DPF3: variants seen among roughly 807,000 people sequenced by gnomAD.
DPF3 encodes the protein double PHD fingers 3.
In DPF3, 18 loss-of-function variants were observed where a neutral mutation model predicts 56.8. The observed-to-expected ratio is 0.32, with a 90% CI of 0.22 to 0.47. The LOEUF is 0.47. Among genes scored for constraint, DPF3 ranks in the 20% least tolerant of loss-of-function variants. The pLI, the probability that DPF3 is intolerant of heterozygous loss-of-function variation, is 1.00. For missense variants in DPF3, 403 were observed against 488.8 expected, an observed-to-expected ratio of 0.82 and a Z score of 1.65; for synonymous variants, 188 against 180.2, an observed-to-expected ratio of 1.04 and a Z score of -0.35.
intron 4 of DPF3, among the ~76,000 whole-genome samples, chr14:72,724,263 C>A (rs1254143689): frequency 6.8e-6 from 1 of 148,110 alleles, no homozygotes; most frequent in East Asian, 2.0e-4. Flanking sequence ...AATAGACTTT[C>A]ATTTAGTACC....
chr14:72,745,731 T>C (rs1247503296), intron 3 of DPF3, among the ~76,000 whole-genome samples: 2 of 152,150 alleles, frequency 1.3e-5, no homozygotes, highest in Non-Finnish European at 2.9e-5. Context: ...TCCTAGGAAT[T>C]TGCAGCAAAT....
chr14:72,624,585 C>T (rs546942421), intron 9 of DPF3, among the ~76,000 whole-genome samples: 1 of 152,174 alleles, frequency 6.6e-6, no homozygotes, highest in African/African-American at 2.4e-5. Flanking sequence ...GTAATCCGCC[C>T]GCCTCAGCCT....
At chr14:72,769,463 T>C (rs186066585) in intron 2 of DPF3, among the ~76,000 whole-genome samples, 3 of 152,210 alleles carry the variant, frequency 2.0e-5, no homozygotes, top group African/African-American at 7.2e-5. Context: ...AGGCGGATCA[T>C]GAGGTCAAGA....
At chr14:72,816,129 C>G (rs1295024126) in intron 1 of DPF3, among the ~76,000 whole-genome samples, 1 of 152,186 alleles carries the variant, frequency 6.6e-6, no homozygotes, top group African/African-American at 2.4e-5. Flanking sequence ...TCAGACTTCC[C>G]TGCCTTGACC....
At chr14:72,628,886 TGGAG>T (rs1885001392) in intron 9 of DPF3, among the ~76,000 whole-genome samples, 1 of 152,314 alleles carries the variant, frequency 6.6e-6, no homozygotes, top group South Asian at 2.1e-4. Context: ...GAGAATAAGA[TGGAG>T]GGAAAAGTCT....
intron 8 of DPF3, among the ~76,000 whole-genome samples, chr14:72,650,570 G>C (rs991762262): frequency 6.6e-6 from 1 of 152,190 alleles, no homozygotes; most frequent in Non-Finnish European, 1.5e-5. Flanking sequence ...GGATAGGGCA[G>C]CACCTGTGGC....
intron 5 of DPF3, among the ~76,000 whole-genome samples, chr14:72,717,211 T>C (rs1888969512): frequency 6.6e-6 from 1 of 152,228 alleles, no homozygotes; most frequent in Non-Finnish European, 1.5e-5. Context: ...AATCTTCCTC[T>C]TGCCACACTA....
chr14:72,677,511 G>A (rs1886964506), intron 7 of DPF3, among the ~76,000 whole-genome samples: 1 of 152,148 alleles, frequency 6.6e-6, no homozygotes, highest in South Asian at 2.1e-4. Context: ...TTGAGTCTGT[G>A]TGCCTCCTCT....
intron 1 of DPF3, among the ~76,000 whole-genome samples, chr14:72,807,350 C>T (rs1442892113): frequency 6.6e-6 from 1 of 152,122 alleles, no homozygotes; most frequent in Non-Finnish European, 1.5e-5. Context: ...GGAAATGTGC[C>T]TAGCACTGTT....
intron 1 of DPF3, among the ~76,000 whole-genome samples, chr14:72,814,125 G>A (rs539446248): frequency 1.9e-4 from 29 of 152,154 alleles, no homozygotes; most frequent in East Asian, 9.7e-4. Flanking sequence ...TGCAGGCGAC[G>A]TGGCCCTGGA....
intron 1 of DPF3, among the ~76,000 whole-genome samples, chr14:72,837,025 A>G (rs1884325467): frequency 6.6e-6 from 1 of 151,868 alleles, no homozygotes; most frequent in Non-Finnish European, 1.5e-5. Context: ...GCGCACCACC[A>G]CACCTGGCTA....
chr14:72,632,830 G>A (rs1343516620), intron 8 of DPF3, among the ~76,000 whole-genome samples: 1 of 123,154 alleles, frequency 8.1e-6, no homozygotes, highest in Non-Finnish European at 1.7e-5. Flanking sequence ...GGGAAGGGGA[G>A]GGGAAAGGGA....
chr14:72,821,395 C>T (rs540937134), intron 1 of DPF3, among the ~76,000 whole-genome samples: 2 of 152,082 alleles, frequency 1.3e-5, no homozygotes, highest in Non-Finnish European at 2.9e-5. Flanking sequence ...CCTGCCTGGG[C>T]AACATAGCAA....
In DPF3 at chr14:72,685,430, G is replaced by A. The variant is rs182780501; in HGVS notation, c.742+7646C>T. Among the ~76,000 whole-genome samples the A allele has an allele frequency of 1.0e-3, 155 of 152,284 alleles. 1 individual carries two copies. The highest frequency in any genetic ancestry group is 1.7e-3 in the Non-Finnish European group (115 of 68,020). ...TAATGGACTTATGATCATAACATGA[G>A]GTGATGTGTGTAAAATGCCTGACAC... On this transcript the variant is annotated intron_variant, in intron 7 of 10. Coordinates refer to ENST00000556509, the MANE Select transcript of DPF3 (RefSeq NM_001280542.3).
intron 8 of DPF3, chr14:72,671,125 G>T: frequency 4.3e-6 from 7 of 1,613,624 alleles, no homozygotes; most frequent in Non-Finnish European, 5.9e-6. Flanking sequence ...CAGAGAGTCT[G>T]TTCCGTGGGT....
At chr14:72,756,877 G>GAAGGAAAGAAAGAAAGAAAAGAAAA (rs1890833718) in intron 2 of DPF3, among the ~76,000 whole-genome samples, 2 of 66,654 alleles carry the variant, frequency 3.0e-5, no homozygotes, top group African/African-American at 1.4e-4. Context: ...AGAAAGGAAG[G>GAAGGAAAGAAAGAAAGAAAAGAAAA]AAAGAAGGAA....
intron 1 of DPF3, among the ~76,000 whole-genome samples, chr14:72,848,531 C>T (rs1383295997): frequency 6.6e-6 from 1 of 152,172 alleles, no homozygotes. Context: ...GGATTCAGCA[C>T]CTGAAGTCCC....
intron 1 of DPF3, among the ~76,000 whole-genome samples, chr14:72,781,358 C>T (rs950491252): frequency 2.6e-5 from 4 of 152,198 alleles, no homozygotes; most frequent in Non-Finnish European, 4.4e-5. Context: ...TTCAAAACAT[C>T]TCAGGAAGGG....
intron 2 of DPF3, among the ~76,000 whole-genome samples, chr14:72,769,211 A>G (rs1891416567): frequency 6.6e-6 from 1 of 152,224 alleles, no homozygotes; most frequent in East Asian, 1.9e-4. Flanking sequence ...AGCCAGGAGC[A>G]ATGAACAGCA....
Sources: allele counts gnomAD v4.1 joint callset (sites outside exome capture counted in the v4.1 genomes callset), GRCh38; gene constraint gnomAD v4.1.1; transcripts MANE v1.5; gene names NCBI Gene and HGNC (gene_info 2026-07-23, HGNC 2026-07-21).